The following MCF2 variants were observed in gnomAD, a reference collection of about 807,000 sequenced individuals.
MCF2 encodes proto-oncogene DBL.
Under a neutral mutation model 82.5 loss-of-function variants are expected in MCF2, and 44 were observed. The observed-to-expected ratio is 0.53, with a 90% CI of 0.42 to 0.69. MCF2 has a LOEUF of 0.69. Among genes scored for constraint, MCF2 ranks in the 30% least tolerant of loss-of-function variants. The probability of loss-of-function intolerance (pLI) is 0.00; values close to 1 mark genes in which losing one functional copy is unlikely to be tolerated. For synonymous variants in MCF2, 217 were observed against 224.9 expected (o/e 0.96, Z 0.32); for missense variants, 623 against 663.1 (o/e 0.94, Z 0.66).
chrX:139,671,071 G>A (rs1934673754), intron 1 of MCF2, among the ~76,000 whole-genome samples: 1 of 112,173 alleles, frequency 8.9e-6, no homozygotes, highest in Non-Finnish European at 1.9e-5. Flanking sequence ...CAGGGATGAT[G>A]AGCATTTTTT....
chrX:139,651,486 G>A (rs1428092203), intron 2 of MCF2, among the ~76,000 whole-genome samples: 1 of 111,305 alleles, frequency 9.0e-6, no homozygotes, highest in African/African-American at 3.3e-5. Context: ...AGAGTGGTAA[G>A]GTCGGTTTTA....
chrX:139,652,915 T>C (rs758862007), intron 1 of MCF2, among the ~76,000 whole-genome samples: 30 of 110,829 alleles, frequency 2.7e-4, no homozygotes, highest in South Asian at 2.0e-3. Context: ...CAATAGACAG[T>C]GGAATAGGTT....
At position 139,615,032 on chromosome X, in the gene MCF2, T is replaced by A. The variant is rs750040567; in HGVS notation, c.1212A>T (p.Gln404His). 2.5e-6 allele frequency: 3 copies of A among 1,204,848 alleles called. No individual in the cohort carries two copies. The South Asian group carries it at 5.4e-5, about 22-fold the overall frequency. The change falls in exon 10 of 25, where the codon CAA becomes CAT. Residue 404 changes from glutamine to histidine, a missense_variant. Coordinates refer to ENST00000370576, the Ensembl canonical transcript of MCF2. ...TACTTCGAATGTTTTCAAGCTTGAG[T>A]TGTATAGTCTTCATTTGAACCTGCG...
In MCF2 at chrX:139,632,390, GT is replaced by G; in HGVS notation, c.115del (p.Thr39ArgfsTer23). ...AAACCAAAATCCAATGTCTGTGAAC[GT>G]TCGTTGAAGAAAGCTGGTAGGACGT... On this transcript the variant is annotated frameshift_variant, in exon 2 of 25. Coordinates refer to ENST00000370576, the Ensembl canonical transcript of MCF2. LOFTEE classifies it high-confidence loss of function. 1 of 1,200,217 alleles carries G rather than the reference GT, an allele frequency of 8.3e-7. No individual in the cohort carries two copies. Among genetic ancestry groups the G allele is most frequent in the Non-Finnish European group, 1.1e-6 (1 of 886,040 alleles).
At chrX:139,661,057 G>A (rs1253101023) in intron 1 of MCF2, among the ~76,000 whole-genome samples, 1 of 111,908 alleles carries the variant, frequency 8.9e-6, no homozygotes, top group Non-Finnish European at 1.9e-5. Flanking sequence ...CTAAATTGAG[G>A]ATGAGAGAAA....
At chrX:139,584,058 T>A (rs1388348543) in intron 24 of MCF2, among the ~76,000 whole-genome samples, 1 of 110,047 alleles carries the variant, frequency 9.1e-6, no homozygotes, top group East Asian at 2.9e-4. Flanking sequence ...GGAGAAACAA[T>A]ATCTACTTTT....
intron 1 of MCF2, among the ~76,000 whole-genome samples, chrX:139,673,008 A>T (rs1934748945): frequency 8.9e-6 from 1 of 111,828 alleles, no homozygotes; most frequent in Non-Finnish European, 1.9e-5. Context: ...TTATTGGTCT[A>T]TTCAGAGATT....
intron 1 of MCF2, among the ~76,000 whole-genome samples, chrX:139,678,666 ACAAG>A (rs1200578022): frequency 8.9e-6 from 1 of 112,003 alleles, no homozygotes; most frequent in Non-Finnish European, 1.9e-5. Flanking sequence ...AAAATAAAAC[ACAAG>A]CAGGCATTTT....
chrX:139,669,949 A>G (rs923460305), intron 1 of MCF2, among the ~76,000 whole-genome samples: 3 of 111,916 alleles, frequency 2.7e-5, no homozygotes, highest in African/African-American at 9.7e-5. Flanking sequence ...TTAGGGAGTA[A>G]CAAAATGTTC....
exon 10 of MCF2, chrX:139,614,928 G>A: frequency 2.5e-6 from 3 of 1,210,060 alleles, no homozygotes; most frequent in Non-Finnish European, 3.4e-6. Flanking sequence ...CAAATTTTCA[G>A]GTGTGGGTAC....
intron 22 of MCF2, among the ~76,000 whole-genome samples, chrX:139,587,123 T>C (rs948130747): frequency 8.9e-6 from 1 of 111,786 alleles, no homozygotes; most frequent in African/African-American, 3.2e-5. Flanking sequence ...TGAATCTCTG[T>C]GCCAGGCCTT....
In MCF2 at chrX:139,584,128, C is replaced by CTTT. The variant is rs1163854425; in HGVS notation, c.2745+935_2745+937dup. On this transcript the variant is annotated intron_variant, in intron 24 of 24. Coordinates refer to ENST00000370576, the Ensembl canonical transcript of MCF2. ...CTTTGTGATTATCCATGCCATTATC[C>CTTT]TTTTTTTTTTTTTTTTTTTTTTTTG... 7.0e-3 allele frequency among the ~76,000 whole-genome samples: 509 copies of CTTT among 72,576 alleles called. 10 individuals carry two copies. Among genetic ancestry groups the CTTT allele is most frequent in the African/African-American group, 0.023 (402 of 17,680 alleles). The allele number at this position is 72,576 out of a possible 115,157, so 63.0% of individuals were successfully genotyped here.
intron 1 of MCF2, among the ~76,000 whole-genome samples, chrX:139,654,854 C>T (rs754822074): frequency 8.9e-6 from 1 of 112,009 alleles, no homozygotes; most frequent in African/African-American, 3.2e-5. Flanking sequence ...TTTCATTCTT[C>T]CACATACAGT....
exon 1 of MCF2, chrX:139,642,686 A>T: frequency 9.2e-7 from 1 of 1,082,937 alleles, no homozygotes; most frequent in East Asian, 3.3e-5. Flanking sequence ...GGGGAGGAAA[A>T]AAAAAAAAAA....
chrX:139,610,759 C>T (rs1931435630), intron 10 of MCF2, among the ~76,000 whole-genome samples: 1 of 112,017 alleles, frequency 8.9e-6, no homozygotes, highest in Non-Finnish European at 1.9e-5. Context: ...GCACTTTCTA[C>T]ATATTGAGCA....
chrX:139,678,739 T>C (rs910217617), intron 1 of MCF2, among the ~76,000 whole-genome samples: 2 of 112,366 alleles, frequency 1.8e-5, no homozygotes, highest in Non-Finnish European at 3.8e-5. Context: ...ACTGCATTTG[T>C]AGTGTGTGAA....
intron 1 of MCF2, among the ~76,000 whole-genome samples, chrX:139,653,705 A>T (rs893456382): frequency 4.5e-5 from 5 of 111,294 alleles, no homozygotes; most frequent in African/African-American, 1.6e-4. Flanking sequence ...ATTTCTTATC[A>T]AGGTAAAATA....
intron 4 of MCF2, 53 bp from the exon 8 acceptor site, chrX:139,626,809 A>G: frequency 9.5e-7 from 1 of 1,052,150 alleles, no homozygotes; most frequent in Non-Finnish European, 1.3e-6. Context: ...AACCTGAATG[A>G]TGTGATGGGA....
At chrX:139,592,693 A>G (rs2148402933) in intron 19 of MCF2, among the ~76,000 whole-genome samples, 1 of 111,851 alleles carries the variant, frequency 8.9e-6, no homozygotes, top group Non-Finnish European at 1.9e-5. Flanking sequence ...TTAGAGGTGG[A>G]CTGCTAAAAT....
Sources: allele counts gnomAD v4.1 joint callset (sites outside exome capture counted in the v4.1 genomes callset), GRCh38; gene constraint gnomAD v4.1.1; transcripts MANE v1.5; gene names NCBI Gene and HGNC (gene_info 2026-07-23, HGNC 2026-07-21).